ARHGEF28: variants seen among roughly 807,000 people sequenced by gnomAD.
The protein encoded by ARHGEF28 is 190 kDa guanine nucleotide exchange factor.
ARHGEF28 carries 152 observed loss-of-function variants against 206.6 expected under a neutral mutation model. That is an observed-to-expected ratio of 0.74 (90% CI 0.64 to 0.84). ARHGEF28 has a LOEUF of 0.84. Ranked by LOEUF, ARHGEF28 falls within the 40% of genes least tolerant of loss-of-function variation. ARHGEF28 has a pLI of 0.00. For synonymous variants in ARHGEF28, 763 were observed against 776.4 expected, an observed-to-expected ratio of 0.98 and a Z score of 0.29; for missense variants, 2,028 against 2,073.2, an observed-to-expected ratio of 0.98 and a Z score of 0.42.
At chr5:73,836,459 T>C (rs973721646) in intron 10 of ARHGEF28, among the ~76,000 whole-genome samples, 1 of 152,068 alleles carries the variant, frequency 6.6e-6, no homozygotes, top group Non-Finnish European at 1.5e-5. Context: ...TTTGGGAAAA[T>C]GTCTATTTAG....
rs376396908 is a variant in ARHGEF28, at chr5:73,867,968, G to C, written c.2245G>C (p.Val749Leu). Residue 749 changes from valine (V) to leucine (L), a missense_variant, in exon 19 of 36, where the codon GTG becomes CTG. Transcript: ENST00000513042. ...ATTGCCGACTGGAAGGAGGGAGACTGTGGGACAGGTCCATCCATTGTCCAG... is the reference window on the plus strand; with the variant it reads ...ATTGCCGACTGGAAGGAGGGAGACTCTGGGACAGGTCCATCCATTGTCCAG... ...VGLPTGRRET[V>L]GQVHPLSRSV... 1 of 1,613,992 alleles carries C rather than the reference G, an allele frequency of 6.2e-7. No homozygotes were observed. Among genetic ancestry groups the C allele is most frequent in the East Asian group, 2.2e-5 (1 of 44,876 alleles).
intron 11 of ARHGEF28, among the ~76,000 whole-genome samples, chr5:73,844,796 A>G (rs999296054): frequency 6.7e-6 from 1 of 149,700 alleles, no homozygotes; most frequent in African/African-American, 2.4e-5. Flanking sequence ...CACAAAACAC[A>G]CATTTGAAAT....
At chr5:73,918,854 C>T (rs1052684407) in intron 35 of ARHGEF28, among the ~76,000 whole-genome samples, 3 of 152,156 alleles carry the variant, frequency 2.0e-5, no homozygotes, top group African/African-American at 7.2e-5. Context: ...AATACAGGTT[C>T]CTCTATTCAG....
Position 73,941,756 on chromosome 5 carries a change from C to T in ARHGEF28, c.*743C>T, listed in dbSNP as rs1286204825. 2 of 152,222 alleles carry T rather than the reference C, an allele frequency of 1.3e-5. No homozygotes were observed. Among genetic ancestry groups the T allele is most frequent in the African/African-American group, 2.4e-5 (1 of 41,448 alleles). The allele number at this position is 152,222 out of a possible 1,614,324, so 9.4% of individuals were successfully genotyped here. On this transcript the variant is annotated 3_prime_UTR_variant, in exon 36 of 36. Coordinates refer to ENST00000513042, the MANE Select transcript of ARHGEF28 (RefSeq NM_001177693.2). ...CAATCAGCTGTCCTGTCCCTGCCAG[C>T]ACCTGGAGCACCAACTACCACTCCC...
Position 73,722,774 on chromosome 5 carries a change from G to A in ARHGEF28, c.34-27063G>A, listed in dbSNP as rs141177824. ...TTCAGAGGCAATGAAGATGAAAAAG[G>A]CAAATGCATACATATCTCTCTCTAT... On this transcript the variant is annotated intron_variant, in intron 2 of 35. Transcript: ENST00000513042. 5.4e-3 allele frequency among the ~76,000 whole-genome samples: 825 copies of A among 152,092 alleles called. 2 individuals are homozygous for A. Among genetic ancestry groups the A allele is most frequent in the African/African-American group, 0.019 (773 of 41,408 alleles).
chr5:73,743,256 T>G (rs1161777290), intron 2 of ARHGEF28, among the ~76,000 whole-genome samples: 2 of 152,230 alleles, frequency 1.3e-5, no homozygotes, highest in African/African-American at 4.8e-5. Flanking sequence ...AGATATGGAA[T>G]TTTCTTTCAT....
chr5:73,931,563 C>T (rs185971945), intron 35 of ARHGEF28, among the ~76,000 whole-genome samples: 5,658 of 151,960 alleles, frequency 0.037, 316 homozygotes, highest in African/African-American at 0.12. Flanking sequence ...TTTCTGGGGG[C>T]TTTTTTGTTG....
intron 35 of ARHGEF28, among the ~76,000 whole-genome samples, chr5:73,918,828 G>C (rs1342314054): frequency 6.6e-6 from 1 of 152,128 alleles, no homozygotes; most frequent in Non-Finnish European, 1.5e-5. Flanking sequence ...AGAGTTTGCT[G>C]TGGTGAACAA....
rs935817244 is a variant in ARHGEF28, at chr5:73,626,214, C to T, written c.-120C>T. ...CGTTGGCATCGCCGGGGAGAGCCTTCCGGACTCCGGGCGGCGGCTGGCTGG... is the reference window on the plus strand; with the variant it reads ...CGTTGGCATCGCCGGGGAGAGCCTTTCGGACTCCGGGCGGCGGCTGGCTGG... On this transcript the variant is annotated 5_prime_UTR_variant, in exon 1 of 36. Coordinates refer to ENST00000513042, the MANE Select transcript of ARHGEF28 (RefSeq NM_001177693.2). 5 of 151,928 alleles carry T rather than the reference C, an allele frequency of 3.3e-5. No homozygotes were observed. The highest frequency in any genetic ancestry group is 5.9e-5 in the Non-Finnish European group (4 of 68,034). The allele number at this position is 151,928 out of a possible 1,614,324, so 9.4% of individuals were successfully genotyped here.
intron 35 of ARHGEF28, among the ~76,000 whole-genome samples, chr5:73,938,782 A>G (rs1443122953): frequency 2.0e-5 from 3 of 152,176 alleles, no homozygotes; most frequent in African/African-American, 7.2e-5. Flanking sequence ...GTGTGGTAAA[A>G]TAGGATTCAG....
At chr5:73,861,518 C>T (rs115556660) in intron 16 of ARHGEF28, among the ~76,000 whole-genome samples, 17,776 of 152,166 alleles carry the variant, frequency 0.12, 1,106 homozygotes, top group African/African-American at 0.15. Flanking sequence ...CTGCAACCAC[C>T]GCCTCCCAGG....
chr5:73,892,794 G>T (rs1761723934), intron 27 of ARHGEF28, among the ~76,000 whole-genome samples: 1 of 152,042 alleles, frequency 6.6e-6, no homozygotes, highest in Non-Finnish European at 1.5e-5. Context: ...CACAAGGGTG[G>T]GGGTGATCAT....
intron 1 of ARHGEF28, among the ~76,000 whole-genome samples, chr5:73,645,003 T>C (rs1416443513): frequency 6.6e-6 from 1 of 152,234 alleles, no homozygotes; most frequent in Admixed American, 6.5e-5. Context: ...AAAATTTGTA[T>C]ATCTTTTTAT....
At chr5:73,805,187 T>C (rs1387820617) in intron 9 of ARHGEF28, among the ~76,000 whole-genome samples, 9 of 152,196 alleles carry the variant, frequency 5.9e-5, no homozygotes, top group Non-Finnish European at 1.0e-4. Context: ...ATCATCAACA[T>C]TGTATATATC....
At chr5:73,734,851 G>A (rs972205207) in intron 2 of ARHGEF28, among the ~76,000 whole-genome samples, 10 of 152,230 alleles carry the variant, frequency 6.6e-5, no homozygotes, top group African/African-American at 2.4e-4. Context: ...CTATTTTGAA[G>A]TAGAGAGGAC....
chr5:73,922,524 T>G (rs1763573808), intron 35 of ARHGEF28, among the ~76,000 whole-genome samples: 1 of 152,256 alleles, frequency 6.6e-6, no homozygotes, highest in African/African-American at 2.4e-5. Flanking sequence ...ATTTCAGATG[T>G]GCCCTTGCAG....
At chr5:73,662,262 C>A (rs547061108) in intron 1 of ARHGEF28, among the ~76,000 whole-genome samples, 4 of 152,250 alleles carry the variant, frequency 2.6e-5, no homozygotes, top group Non-Finnish European at 5.9e-5. Context: ...AAATATTGAG[C>A]TTAGTGTTGC....
intron 1 of ARHGEF28, among the ~76,000 whole-genome samples, chr5:73,651,505 C>CAA (rs1744827539): frequency 2.0e-5 from 3 of 152,078 alleles, no homozygotes; most frequent in Non-Finnish European, 4.4e-5. Flanking sequence ...AATATGTCTC[C>CAA]CAAGCTATTC....
At chr5:73,789,715 C>A (rs1230342044) in intron 7 of ARHGEF28, among the ~76,000 whole-genome samples, 5 of 151,800 alleles carry the variant, frequency 3.3e-5, no homozygotes, top group South Asian at 4.2e-4. Context: ...GACTTTATTG[C>A]AGCATGGGCT....
Sources: gnomAD v4.1 joint callset for allele counts (sites outside exome capture counted in the v4.1 genomes callset) on GRCh38, gnomAD v4.1.1 for gene constraint, MANE v1.5 for transcripts, NCBI Gene and HGNC (gene_info 2026-07-23, HGNC 2026-07-21) for gene names.